The following MAP3K13 variants were observed in gnomAD, a reference collection of about 807,000 sequenced individuals.
The protein encoded by MAP3K13 is leucine zipper-bearing kinase.
Under a neutral mutation model 104.0 loss-of-function variants are expected in MAP3K13, and 52 were observed. That is an observed-to-expected ratio of 0.50 (90% CI 0.40 to 0.63). MAP3K13 has a LOEUF of 0.63. MAP3K13 is among the 20% of genes least tolerant of loss of function. The probability of loss-of-function intolerance (pLI) is 0.00; values close to 1 mark genes in which losing one functional copy is unlikely to be tolerated. For synonymous variants in MAP3K13, 394 were observed against 442.2 expected, an observed-to-expected ratio of 0.89 and a Z score of 1.37; for missense variants, 914 against 1,218.5, an observed-to-expected ratio of 0.75 and a Z score of 3.72.
rs1717384428 is a variant in MAP3K13, at chr3:185,465,847, GAGA to G, written c.1492_1494del (p.Lys498del). The G allele has an allele frequency of 6.2e-7, 1 of 1,613,136 alleles. No homozygotes were observed. Among genetic ancestry groups the G allele is most frequent in the Non-Finnish European group, 8.5e-7 (1 of 1,179,096 alleles). ...CATCATGCTGCAGCTAGAAATGCGG[GAGA>G]AGGAGCTCATTAAGTATGTATCCAG... On this transcript the variant is annotated inframe_deletion, in exon 9 of 14. Transcript: ENST00000265026.
In MAP3K13 at chr3:185,357,320, C is replaced by T. The variant is rs568898754; in HGVS notation, c.-85-71177C>T. ...AAAATTAGCTGCATGTGGTGGCGGG[C>T]GCCTGTAATCTCAGCTACTCAGGAG... On this transcript the variant is annotated intron_variant, in intron 2 of 14. Transcript: ENST00000424227. Among the ~76,000 whole-genome samples, 35 of 151,164 alleles carry T rather than the reference C, an allele frequency of 2.3e-4. 1 individual carries two copies. Among genetic ancestry groups the T allele is most frequent in the African/African-American group, 8.0e-4 (33 of 41,300 alleles).
intron 7 of MAP3K13, among the ~76,000 whole-genome samples, chr3:185,459,500 T>C (rs887440801): frequency 6.6e-6 from 1 of 152,150 alleles, no homozygotes; most frequent in Admixed American, 6.6e-5. Context: ...CCGGCTGGAG[T>C]GCAGTGGTGT....
In MAP3K13 at chr3:185,423,018, T is replaced by C. The variant is rs892298315; in HGVS notation, c.-85-5479T>C. ...GCGAGGGATCTAGGGATCTAGGTTA[T>C]GTGCCCTTTATGAGAATCTAATGAC... is the stretch of plus-strand genomic sequence containing the variant. On this transcript the variant is annotated intron_variant, in intron 1 of 13. Coordinates refer to ENST00000265026, the MANE Select transcript of MAP3K13 (RefSeq NM_004721.5). This position sits in a 1 kb window ranked among gnomAD's most constrained non-coding sequence, Gnocchi z 4.1. Among the ~76,000 whole-genome samples the C allele has an allele frequency of 5.9e-5, 9 of 152,220 alleles. No homozygotes were observed. The highest frequency in any genetic ancestry group is 7.3e-5 in the Non-Finnish European group (5 of 68,034).
At chr3:185,395,183 T>C (rs1712306836) in intron 1 of MAP3K13, among the ~76,000 whole-genome samples, 1 of 151,834 alleles carries the variant, frequency 6.6e-6, no homozygotes, top group South Asian at 2.1e-4. Flanking sequence ...ATACTTTGCT[T>C]TTCTCTCTTT....
chr3:185,380,194 A>G (rs1205564976), intron 1 of MAP3K13, among the ~76,000 whole-genome samples: 1 of 148,468 alleles, frequency 6.7e-6, no homozygotes, highest in Non-Finnish European at 1.5e-5. Flanking sequence ...TCAAAAAACA[A>G]AACAAAACAA....
At chr3:185,395,648 G>A (rs1473425311) in intron 1 of MAP3K13, among the ~76,000 whole-genome samples, 5 of 150,728 alleles carry the variant, frequency 3.3e-5, no homozygotes, top group East Asian at 2.0e-4. Context: ...GTGAGCCACC[G>A]TGCCCGGCCT....
Position 185,440,881 on chromosome 3 carries a change from G to A in MAP3K13, c.660-2564G>A, listed in dbSNP as rs558057226. Among the ~76,000 whole-genome samples, 4 of 152,260 alleles carry A rather than the reference G, an allele frequency of 2.6e-5. No individual in the cohort carries two copies. In the South Asian group the frequency reaches 8.3e-4, roughly 32 times the overall value. ...AAGGAAGGCATGTATACCCATAAGC[G>A]ATAAGACATAGAGAATTACATATAG... is the stretch of plus-strand genomic sequence containing the variant. On this transcript the variant is annotated intron_variant, in intron 3 of 13. Transcript: ENST00000265026.
At chr3:185,327,928 A>AAAGG (rs1318133313) in intron 2 of MAP3K13, among the ~76,000 whole-genome samples, 14 of 147,308 alleles carry the variant, frequency 9.5e-5, no homozygotes, top group Non-Finnish European at 2.1e-4. Flanking sequence ...GAAAGAAAAG[A>AAAGG]AAGGAAGGAA....
At chr3:185,380,689 A>G (rs1464047520) in intron 1 of MAP3K13, among the ~76,000 whole-genome samples, 1 of 152,178 alleles carries the variant, frequency 6.6e-6, no homozygotes, top group Non-Finnish European at 1.5e-5. Context: ...TAATGTGCCT[A>G]GAAATCACCT....
At chr3:185,457,141 G>GCA (rs74394295) in intron 7 of MAP3K13, among the ~76,000 whole-genome samples, 4 of 41,636 alleles carry the variant, frequency 9.6e-5, no homozygotes, top group Non-Finnish European at 2.6e-4. Context: ...TGCCACAGTC[G>GCA]GGTTCCTCAC....
chr3:185,388,105 T>C (rs927103970), intron 1 of MAP3K13, among the ~76,000 whole-genome samples: 9 of 145,692 alleles, frequency 6.2e-5, no homozygotes, highest in African/African-American at 2.0e-4. Context: ...AAGAAAACAA[T>C]CCCATTTACA....
chr3:185,466,656 C>A (rs1317079435), intron 9 of MAP3K13, among the ~76,000 whole-genome samples, 170 bp from the exon 10 acceptor site: 1 of 152,128 alleles, frequency 6.6e-6, no homozygotes, highest in Non-Finnish European at 1.5e-5. Context: ...GGATTACATG[C>A]CTGAGCCACC....
intron 2 of MAP3K13, among the ~76,000 whole-genome samples, chr3:185,357,109 T>C (rs187604463): frequency 0.012 from 1,750 of 150,864 alleles, 19 homozygotes; most frequent in East Asian, 0.038. Flanking sequence ...TTTTTTTTTT[T>C]TCTCTCTCTC....
chr3:185,455,822 A>C (rs1716675688), intron 7 of MAP3K13, among the ~76,000 whole-genome samples: 2 of 114,500 alleles, frequency 1.7e-5, no homozygotes, highest in Admixed American at 1.0e-4. Context: ...TATATATGAG[A>C]TATATATGAG....
chr3:185,285,751 T>C, intron 2 of MAP3K13: 1 of 914,732 alleles, frequency 1.1e-6, no homozygotes, highest in Non-Finnish European at 1.7e-6. Context: ...AATCTCTTTA[T>C]GTTTTAATCA....
intron 2 of MAP3K13, among the ~76,000 whole-genome samples, chr3:185,311,708 G>T (rs1421232278): frequency 1.3e-5 from 2 of 152,148 alleles, no homozygotes; most frequent in Non-Finnish European, 2.9e-5. Context: ...TATTTTGAAA[G>T]AACTACATTT....
chr3:185,433,425 A>C (rs563339702), intron 2 of MAP3K13, among the ~76,000 whole-genome samples: 3 of 152,150 alleles, frequency 2.0e-5, no homozygotes, highest in Non-Finnish European at 4.4e-5. Context: ...TTATTATGAG[A>C]TTAGTTATCT....
intron 2 of MAP3K13, among the ~76,000 whole-genome samples, chr3:185,341,512 G>T (rs932416262): frequency 6.6e-6 from 1 of 152,180 alleles, no homozygotes; most frequent in African/African-American, 2.4e-5. Flanking sequence ...GTGATAATTT[G>T]TTGAAATATG....
At chr3:185,431,735 C>T (rs914644955) in intron 2 of MAP3K13, among the ~76,000 whole-genome samples, 8 of 152,192 alleles carry the variant, frequency 5.3e-5, no homozygotes, top group African/African-American at 1.9e-4. Flanking sequence ...ACTTCAGTTA[C>T]CATTATCCAC....
Sources: allele counts gnomAD v4.1 joint callset (sites outside exome capture counted in the v4.1 genomes callset), GRCh38; gene constraint gnomAD v4.1.1; non-coding constraint Gnocchi (gnomAD v3.1); transcripts MANE v1.5; gene names NCBI Gene and HGNC (gene_info 2026-07-23, HGNC 2026-07-21).